The following ZC2HC1A variants were observed in gnomAD, a reference collection of about 807,000 sequenced individuals.
The protein encoded by ZC2HC1A is zinc finger C2HC domain-containing protein 1A.
ZC2HC1A carries 28 observed loss-of-function variants against 40.7 expected under a neutral mutation model. The ratio of observed to expected loss-of-function variants is 0.69; its 90% confidence interval spans 0.51 to 0.94. ZC2HC1A has a LOEUF of 0.94. Ranked by LOEUF, ZC2HC1A falls within the 40% of genes least tolerant of loss-of-function variation. The pLI is 0.00. For missense variants in ZC2HC1A, 389 were observed against 386.3 expected, an observed-to-expected ratio of 1.01 and a Z score of -0.06; for synonymous variants, 129 against 129.2, an observed-to-expected ratio of 1.00 and a Z score of 0.01.
intron 7 of ZC2HC1A, among the ~76,000 whole-genome samples, chr8:78,707,221 A>T (rs1297261440): frequency 6.6e-6 from 1 of 152,238 alleles, no homozygotes; most frequent in Non-Finnish European, 1.5e-5. Context: ...AGTTGATCAT[A>T]GATTAAAAGC....
At chr8:78,679,187 G>A (rs1481492733) in intron 3 of ZC2HC1A, 1 of 152,136 alleles carries the variant, frequency 6.6e-6, no homozygotes, top group Admixed American at 6.5e-5. Flanking sequence ...GTTGTTCAGT[G>A]TCCAGATATA....
At chr8:78,699,462 C>T (rs1054015017) in intron 7 of ZC2HC1A, among the ~76,000 whole-genome samples, 5 of 151,932 alleles carry the variant, frequency 3.3e-5, no homozygotes, top group Non-Finnish European at 5.9e-5. Flanking sequence ...ACATTATTTT[C>T]TTTTTTTAAT....
In ZC2HC1A at chr8:78,698,486, A is replaced by G; in HGVS notation, c.677A>G (p.His226Arg). The G allele has an allele frequency of 1.2e-6, 2 of 1,611,732 alleles. No homozygotes were observed. The highest frequency in any genetic ancestry group is 1.7e-6 in the Non-Finnish European group (2 of 1,178,210). Reference protein sequence around the residue: ...GNKLQTLSPSHKGIAAPHAGA... With the variant: ...GNKLQTLSPSRKGIAAPHAGA... ...AAACTTCAGACCTTATCTCCCTCTC[A>G]TAAAGGGATAGCAGCCCCTCATGCA... Residue 226 changes from histidine (H) to arginine (R), a missense_variant, in exon 7 of 9, where the codon CAT becomes CGT. By Grantham distance (29) the His-to-Arg change is conservative. Coordinates refer to ENST00000263849, the MANE Select transcript of ZC2HC1A (RefSeq NM_016010.3).
At chr8:78,682,451 A>T (rs924676179) in intron 3 of ZC2HC1A, among the ~76,000 whole-genome samples, 2 of 152,164 alleles carry the variant, frequency 1.3e-5, no homozygotes, top group Non-Finnish European at 2.9e-5. Flanking sequence ...CACATCTTAC[A>T]TGGCGGCAGA....
intron 5 of ZC2HC1A, among the ~76,000 whole-genome samples, chr8:78,696,822 A>T (rs962627930): frequency 6.6e-6 from 1 of 152,208 alleles, no homozygotes; most frequent in South Asian, 2.1e-4. Flanking sequence ...TGGCTGAATT[A>T]TATATATGGA....
intron 7 of ZC2HC1A, chr8:78,712,242 A>G: frequency 2.6e-6 from 1 of 385,040 alleles, no homozygotes; most frequent in Non-Finnish European, 4.4e-6. Context: ...AAATGTGTCA[A>G]ATAATCTAGG....
intron 7 of ZC2HC1A, among the ~76,000 whole-genome samples, chr8:78,707,305 T>A (rs1024097173): frequency 1.3e-5 from 2 of 152,212 alleles, no homozygotes; most frequent in African/African-American, 4.8e-5. Flanking sequence ...GACACAGTAT[T>A]CCTAGATAGG....
In ZC2HC1A at chr8:78,687,739, T is replaced by C. The variant is rs111205649; in HGVS notation, c.352+1131T>C. Reference sequence around the variant, plus strand: ...TTACGTAATACATTATATATATTTATGTAATACATTATATATATTTACGTA... The same window carrying C: ...TTACGTAATACATTATATATATTTACGTAATACATTATATATATTTACGTA... On this transcript the variant is annotated intron_variant, in intron 4 of 8. Coordinates refer to ENST00000263849, the MANE Select transcript of ZC2HC1A (RefSeq NM_016010.3). Among the ~76,000 whole-genome samples the C allele has an allele frequency of 9.8e-4, 26 of 26,468 alleles. 4 individuals are homozygous for C. The highest frequency in any genetic ancestry group is 0.019 in the Middle Eastern group (1 of 52). The allele number at this position is 26,468 out of a possible 152,430, so 17.4% of individuals were successfully genotyped here.
intron 7 of ZC2HC1A, among the ~76,000 whole-genome samples, chr8:78,713,490 T>G (rs1168130666): frequency 2.0e-5 from 3 of 152,130 alleles, no homozygotes; most frequent in Non-Finnish European, 4.4e-5. Context: ...TTCTTCCTAT[T>G]TAAAGTCCAT....
At chr8:78,672,717 T>G (rs1809469246) in intron 1 of ZC2HC1A, among the ~76,000 whole-genome samples, 1 of 152,182 alleles carries the variant, frequency 6.6e-6, no homozygotes, top group Non-Finnish European at 1.5e-5. Context: ...ATTATGACTT[T>G]TCTGTGTTTA....
intron 7 of ZC2HC1A, among the ~76,000 whole-genome samples, chr8:78,703,536 CTT>C (rs35710652): frequency 1.4e-4 from 20 of 139,696 alleles, no homozygotes; most frequent in African/African-American, 4.2e-4. Context: ...TAATACCCTT[CTT>C]TTTTTTTTTT....
Position 78,717,570 on chromosome 8 carries a change from C to T in ZC2HC1A, c.*77C>T. The T allele has an allele frequency of 1.4e-6, 2 of 1,439,454 alleles. No homozygotes were observed. Among genetic ancestry groups the T allele is most frequent in the Non-Finnish European group, 1.9e-6 (2 of 1,076,944 alleles). 89.2% of individuals were successfully genotyped at this position (1,439,454 alleles called of 1,614,324 possible). On this transcript the variant is annotated 3_prime_UTR_variant, in exon 9 of 9. Coordinates refer to ENST00000263849, the MANE Select transcript of ZC2HC1A (RefSeq NM_016010.3). ...TGCTTGGACAGCTAGAGCACATCCT[C>T]TAGTTAGTTTGTGCTAAAAATACTC...
Position 78,686,627 on chromosome 8 carries a change from A to G in ZC2HC1A, c.352+19A>G. 1 of 1,455,128 alleles carries G rather than the reference A, an allele frequency of 6.9e-7. No homozygotes were observed. Among genetic ancestry groups the G allele is most frequent in the Non-Finnish European group, 9.1e-7 (1 of 1,102,844 alleles). 90.1% of individuals were successfully genotyped at this position (1,455,128 alleles called of 1,614,324 possible). A position where few individuals can be genotyped will look rare whatever the true frequency, so the allele number is the denominator to read the frequency against. On this transcript the variant is annotated intron_variant, in intron 4 of 8. Coordinates refer to ENST00000263849, the MANE Select transcript of ZC2HC1A (RefSeq NM_016010.3). ...GATCCTGGTATTTGGAATATTGTTG[A>G]CAGAAATGTTCATGTGGAAAGAAAA...
chr8:78,686,412 T>C, intron 3 of ZC2HC1A, 55 bp from the exon 4 acceptor site: 1 of 1,250,200 alleles, frequency 8.0e-7, no homozygotes, highest in Non-Finnish European at 1.0e-6. Context: ...TATTTCAATA[T>C]ACTAAAAAGA....
intron 4 of ZC2HC1A, among the ~76,000 whole-genome samples, chr8:78,687,357 G>A (rs1810018939): frequency 6.6e-6 from 1 of 150,910 alleles, no homozygotes; most frequent in African/African-American, 2.4e-5. Flanking sequence ...ACATTTTATT[G>A]TAGAGGAGAG....
chr8:78,676,623 C>T lies in ZC2HC1A; in HGVS notation c.93+760C>T, dbSNP rs1333633924. Among the ~76,000 whole-genome samples, 5 of 152,062 alleles carry T rather than the reference C, an allele frequency of 3.3e-5. No homozygotes were observed. The East Asian group carries it at 9.7e-4, about 29-fold the overall frequency. ...GTTCTGCCATGATCCACTGTGCATC[C>T]TCTTACTATTTCTAGTTTGTTTCTT... On this transcript the variant is annotated intron_variant, in intron 2 of 8. Transcript: ENST00000263849.
intron 3 of ZC2HC1A, among the ~76,000 whole-genome samples, chr8:78,685,150 C>A (rs1483403708): frequency 6.6e-6 from 1 of 151,894 alleles, no homozygotes; most frequent in African/African-American, 2.4e-5. Context: ...CAGAAATAGG[C>A]CCAAATTCAG....
intron 3 of ZC2HC1A, among the ~76,000 whole-genome samples, chr8:78,684,591 G>A (rs1809900357): frequency 6.6e-6 from 1 of 152,130 alleles, no homozygotes; most frequent in African/African-American, 2.4e-5. Context: ...ATCTTTATTA[G>A]AAGATATGAT....
intron 7 of ZC2HC1A, among the ~76,000 whole-genome samples, chr8:78,707,175 A>G (rs1394320907): frequency 1.3e-5 from 2 of 152,190 alleles, no homozygotes; most frequent in African/African-American, 4.8e-5. Context: ...TTAGGTAACA[A>G]TATTTGTTCA....
Sources: gnomAD v4.1 joint callset for allele counts (sites outside exome capture counted in the v4.1 genomes callset) on GRCh38, gnomAD v4.1.1 for gene constraint, MANE v1.5 for transcripts, NCBI Gene and HGNC (gene_info 2026-07-23, HGNC 2026-07-21) for gene names.